PUM1: variants seen among roughly 807,000 people sequenced by gnomAD.
PUM1 encodes the protein pumilio homolog 1.
In PUM1, 13 loss-of-function variants were observed where a neutral mutation model predicts 131.8. The observed-to-expected ratio is 0.10, with a 90% CI of 0.06 to 0.16. The LOEUF is 0.16. Among genes scored for constraint, PUM1 ranks in the 10% least tolerant of loss-of-function variants. The pLI is 1.00. For synonymous variants in PUM1, 509 were observed against 556.5 expected (o/e 0.91, Z 1.20); for missense variants, 961 against 1,512.4 (o/e 0.64, Z 6.05).
At chr1:30,976,807 G>A (rs1027134609) in intron 9 of PUM1, among the ~76,000 whole-genome samples, 11 of 151,508 alleles carry the variant, frequency 7.3e-5, no homozygotes, top group South Asian at 2.1e-4. Context: ...GAAACTGAAC[G>A]GCCTAAAAGC....
Position 31,011,924 on chromosome 1 carries a change from C to CA in PUM1, c.433-4823dup, listed in dbSNP as rs142490336. On this transcript the variant is annotated intron_variant, in intron 3 of 21. Transcript: ENST00000426105. ...TAACAGGAATTAGGAATTGGTCCAA[C>CA]AAAAGCAAAAGAGACCCAAGGAATC... Among the ~76,000 whole-genome samples the CA allele has an allele frequency of 8.4e-3, 1,278 of 152,236 alleles. 7 individuals carry two copies. The highest frequency in any genetic ancestry group is 0.031 in the Middle Eastern group (9 of 294).
chr1:30,956,548 G>C (rs1489732218), intron 14 of PUM1, among the ~76,000 whole-genome samples: 1 of 152,162 alleles, frequency 6.6e-6, no homozygotes, highest in Non-Finnish European at 1.5e-5. Flanking sequence ...ACAGGCATGA[G>C]CCACGGCGCC....
At chr1:30,993,780 T>A (rs1360823136) in intron 6 of PUM1, among the ~76,000 whole-genome samples, 5 of 152,136 alleles carry the variant, frequency 3.3e-5, no homozygotes, top group Non-Finnish European at 7.4e-5. Context: ...TTCCAAAGAT[T>A]GTAATTCAGG....
chr1:31,022,110 C>T (rs1643049612), intron 3 of PUM1, among the ~76,000 whole-genome samples: 1 of 151,606 alleles, frequency 6.6e-6, no homozygotes, highest in Non-Finnish European at 1.5e-5. Flanking sequence ...GAAGATAATC[C>T]CCATCTTGAC....
chr1:31,021,964 T>A (rs911082870), intron 3 of PUM1, among the ~76,000 whole-genome samples: 4 of 151,544 alleles, frequency 2.6e-5, no homozygotes, highest in African/African-American at 9.7e-5. Flanking sequence ...AAAAAAGGCA[T>A]CATAATATTG....
At chr1:30,975,517 A>ATTTTTTT (rs751510345) in intron 9 of PUM1, among the ~76,000 whole-genome samples, 3 of 84,162 alleles carry the variant, frequency 3.6e-5, no homozygotes, top group African/African-American at 9.0e-5. Flanking sequence ...TACCTGACTA[A>ATTTTTTT]TTTTTTTTTT....
At chr1:30,964,147 CT>C (rs1321027557) in intron 14 of PUM1, among the ~76,000 whole-genome samples, 1 of 152,072 alleles carries the variant, frequency 6.6e-6, no homozygotes, top group Non-Finnish European at 1.5e-5. Flanking sequence ...AAATATACAT[CT>C]CCTCATTAAC....
At position 31,061,386 on chromosome 1, in the gene PUM1, G is replaced by A. The variant is rs549101475; in HGVS notation, c.-11-1809C>T. Among the ~76,000 whole-genome samples the A allele has an allele frequency of 2.0e-5, 3 of 152,232 alleles. No individual in the cohort carries two copies. In the East Asian group the frequency reaches 5.8e-4, roughly 29 times the overall value. On this transcript the variant is annotated intron_variant, in intron 1 of 21. Coordinates refer to ENST00000426105, the MANE Select transcript of PUM1 (RefSeq NM_001020658.2). ...TAATCCCAGCACTTTGGGAGGCCGAGGCGGGTGGATCATGAGGTCAGGAGA... is the reference window on the plus strand; with the variant it reads ...TAATCCCAGCACTTTGGGAGGCCGAAGCGGGTGGATCATGAGGTCAGGAGA...
At chr1:31,054,114 AAAAAAAG>A (rs1363786128) in intron 2 of PUM1, among the ~76,000 whole-genome samples, 1 of 148,290 alleles carries the variant, frequency 6.7e-6, no homozygotes, top group Non-Finnish European at 1.5e-5. Flanking sequence ...AAAAAAAAAA[AAAAAAAG>A]GAGTTTGAGA....
At chr1:30,972,373 G>A (rs1489846157) in intron 10 of PUM1, among the ~76,000 whole-genome samples, 10 of 40 alleles carry the variant, frequency 0.25, 5 homozygotes, top group Non-Finnish European at 0.33. Flanking sequence ...GGAGGGGAGG[G>A]GAGGGGAGGG....
intron 2 of PUM1, 149 bp downstream of exon 2, chr1:31,059,055 T>A: frequency 1.1e-6 from 1 of 892,510 alleles, no homozygotes; most frequent in Non-Finnish European, 1.7e-6. Context: ...GTAACAGTAT[T>A]ACAATGATCA....
rs943463489 is a variant in PUM1 at position 30,980,001 on chromosome 1, C to A, written c.1354+61G>T. On this transcript the variant is annotated intron_variant, in intron 9 of 21. Coordinates refer to ENST00000426105, the MANE Select transcript of PUM1 (RefSeq NM_001020658.2). ...TTTGGGAAAGAGTATAAAGAATGCA[C>A]GCCCATCTCAAATGACTTTTCAGCA... The A allele has an allele frequency of 6.9e-6, 8 of 1,164,520 alleles. No homozygotes were observed. In the African/African-American group the frequency reaches 9.3e-5, roughly 14 times the overall value. The allele number at this position is 1,164,520 out of a possible 1,614,324, so 72.1% of individuals were successfully genotyped here. A position where few individuals can be genotyped will look rare whatever the true frequency, so the allele number is the denominator to read the frequency against.
chr1:31,056,609 C>CTTTTCTT lies in PUM1; in HGVS notation c.363+2594_363+2595insAAGAAAA, dbSNP rs1644245029. 1.2e-3 allele frequency among the ~76,000 whole-genome samples: 54 copies of CTTTTCTT among 43,734 alleles called. 1 individual carries two copies. Among genetic ancestry groups the CTTTTCTT allele is most frequent in the Non-Finnish European group, 1.8e-3 (45 of 24,898 alleles). The allele number at this position is 43,734 out of a possible 152,430, so 28.7% of individuals were successfully genotyped here. ...CAGCTGAAAACCTTCCTTTTCTTTTCTTTTTTTTTTTTTTTTTTTTTTTTT... is the reference window on the plus strand; with the variant it reads ...CAGCTGAAAACCTTCCTTTTCTTTTCTTTTCTTTTTTTTTTTTTTTTTTTTTTTTTTT... On this transcript the variant is annotated intron_variant, in intron 2 of 21. Coordinates refer to ENST00000426105, the MANE Select transcript of PUM1 (RefSeq NM_001020658.2).
At chr1:30,966,372 T>C in intron 12 of PUM1, 94 bp from the exon 13 acceptor site, 1 of 1,246,682 alleles carries the variant, frequency 8.0e-7, no homozygotes, top group Non-Finnish European at 1.1e-6. Flanking sequence ...CTTTTAATGC[T>C]GCCTATCTTT....
chr1:31,045,503 C>T (rs1489271776), intron 2 of PUM1, among the ~76,000 whole-genome samples: 2 of 152,280 alleles, frequency 1.3e-5, no homozygotes, highest in East Asian at 3.9e-4. Flanking sequence ...AATACCAGCA[C>T]TTTGGGAGGT....
chr1:30,933,336 G>A lies in PUM1; in HGVS notation c.3442C>T (p.Pro1148Ser). 6.2e-7 allele frequency: 1 copy of A among 1,613,754 alleles called. No individual in the cohort carries two copies. The highest frequency in any genetic ancestry group is 8.5e-7 in the Non-Finnish European group (1 of 1,179,788). ...TACTTACGAAGAGTTGCGATGTGGG[G>A]CCGGATCTGGGGAGGAAAGACAGTC... ...QRKIVMHKIRPHIATLRKYTY... is the reference protein window; with the variant it reads ...QRKIVMHKIRSHIATLRKYTY... The change falls in exon 22 of 22, where the codon CCC becomes TCC. Residue 1148 changes from proline (P) to serine (S), a missense_variant. This residue lies in a region of PUM1 where 178 missense variants were observed against 327.5 expected (regional missense o/e 0.54). Transcript: ENST00000426105.
chr1:31,013,931 T>C (rs1642714862), intron 3 of PUM1, among the ~76,000 whole-genome samples: 2 of 152,208 alleles, frequency 1.3e-5, no homozygotes, highest in South Asian at 4.1e-4. Context: ...TATTAAAACA[T>C]ATCTTTAAGA....
chr1:30,953,366 A>T lies in PUM1; in HGVS notation c.2591+348T>A, dbSNP rs74794807. Among the ~76,000 whole-genome samples, 36 of 152,302 alleles carry T rather than the reference A, an allele frequency of 2.4e-4. No individual in the cohort carries two copies. The East Asian group carries it at 6.6e-3, about 28-fold the overall frequency. On this transcript the variant is annotated intron_variant, in intron 15 of 21. Coordinates refer to ENST00000426105, the MANE Select transcript of PUM1 (RefSeq NM_001020658.2). ...CAAACCAAATTCTGTCTTCTATAATAGTTTCTTCTCTCGTCTCTACATAGA... is the reference window on the plus strand; with the variant it reads ...CAAACCAAATTCTGTCTTCTATAATTGTTTCTTCTCTCGTCTCTACATAGA...
intron 3 of PUM1, among the ~76,000 whole-genome samples, chr1:31,014,301 C>CAAAA (rs745510280): frequency 3.9e-5 from 3 of 76,080 alleles, no homozygotes; most frequent in Admixed American, 1.6e-4. Flanking sequence ...ATCCAGTCTC[C>CAAAA]AAAAAAAAAA....
Sources: gnomAD v4.1 joint callset for allele counts (sites outside exome capture counted in the v4.1 genomes callset) on GRCh38, gnomAD v4.1.1 for gene constraint, gnomAD v4.1.1 regional missense constraint, MANE v1.5 for transcripts, NCBI Gene and HGNC (gene_info 2026-07-23, HGNC 2026-07-21) for gene names.